CNGB1: variants seen among roughly 807,000 people sequenced by gnomAD.
CNGB1 encodes cyclic nucleotide-gated channel beta-1.
CNGB1 carries 126 observed loss-of-function variants against 151.7 expected under a neutral mutation model. That is an observed-to-expected ratio of 0.83 (90% confidence interval 0.72 to 0.96). CNGB1 has a LOEUF of 0.96. Ranked by LOEUF, CNGB1 falls within the 40% of genes least tolerant of loss-of-function variation. The probability of loss-of-function intolerance (pLI) is 0.00; values close to 1 mark genes in which losing one functional copy is unlikely to be tolerated. For synonymous variants in CNGB1, 623 were observed against 635.1 expected (o/e 0.98, Z 0.29); for missense variants, 1,698 against 1,627.0 (o/e 1.04, Z -0.75).
At position 57,884,219 on chromosome 16, in the gene CNGB1, C is replaced by CCCGGCT. The variant is rs1158843736; in HGVS notation, c.3695_3700dup (p.Glu1232_Pro1233dup). 1.2e-5 allele frequency: 19 copies of CCCGGCT among 1,613,862 alleles called. No individual in the cohort carries two copies. In the Middle Eastern group the frequency reaches 4.9e-4, roughly 42 times the overall value. ...CATCTTCACCGACAGGATCTGCTCT[C>CCCGGCT]CCGGCTCCGGGCCCGGGCTCATGCA... On this transcript the variant is annotated inframe_insertion, in exon 33 of 33. Transcript: ENST00000251102.
intron 25 of CNGB1, among the ~76,000 whole-genome samples, chr16:57,908,506 T>G (rs947955976): frequency 5.9e-5 from 9 of 152,370 alleles, no homozygotes; most frequent in Non-Finnish European, 1.3e-4. Context: ...ATCCTCACTA[T>G]GGCTGACTGA....
At chr16:57,942,112 G>T (rs948820025) in intron 14 of CNGB1, among the ~76,000 whole-genome samples, 1 of 152,144 alleles carries the variant, frequency 6.6e-6, no homozygotes, top group East Asian at 1.9e-4. Context: ...AAACTCCTGG[G>T]CTCAAGTGAT....
In CNGB1 at chr16:57,960,852, G is replaced by C. The variant is rs1439592662; in HGVS notation, c.522C>G (p.Pro174=). 1 of 1,613,698 alleles carries C rather than the reference G, an allele frequency of 6.2e-7. No individual in the cohort carries two copies. Among genetic ancestry groups the C allele is most frequent in the African/African-American group, 1.3e-5 (1 of 74,896 alleles). ...QNLERVLPQP[P]KSSEVWRDEP... ...TTCCTTGGCTCACCTCAGAGGATTT[G>C]GGGGGCTGAGGAAGCACTCTTTCCA... The change falls in exon 8 of 33, where the codon CCC becomes CCG. Residue 174 remains proline, a synonymous_variant. Coordinates refer to ENST00000251102, the MANE Select transcript of CNGB1 (RefSeq NM_001297.5).
At chr16:57,903,415 C>T (rs1239358997) in intron 27 of CNGB1, among the ~76,000 whole-genome samples, 2 of 151,994 alleles carry the variant, frequency 1.3e-5, no homozygotes, top group African/African-American at 2.4e-5. Context: ...TCGCTTGAAC[C>T]CGGGAGATGG....
In CNGB1 at chr16:57,955,031, G is replaced by A. The variant is rs918387244; in HGVS notation, c.874+2310C>T. 103 of 1,226,638 alleles carry A rather than the reference G, an allele frequency of 8.4e-5. 1 individual carries two copies. Among genetic ancestry groups the A allele is most frequent in the Admixed American group, 6.8e-4 (19 of 27,784 alleles). The allele number at this position is 1,226,638 out of a possible 1,614,324, so 76.0% of individuals were successfully genotyped here. ...CCCAAAGTGCTGGGATTACAGGCGT[G>A]AGCCACCACGCCCGGCTATGGGCCT... is the stretch of plus-strand genomic sequence containing the variant. On this transcript the variant is annotated intron_variant, in intron 12 of 32. Coordinates refer to ENST00000251102, the MANE Select transcript of CNGB1 (RefSeq NM_001297.5).
intron 24 of CNGB1, among the ~76,000 whole-genome samples, chr16:57,912,104 G>A (rs1247838879): frequency 6.8e-6 from 1 of 146,480 alleles, no homozygotes; most frequent in Non-Finnish European, 1.5e-5. Context: ...AGGGGCCAGA[G>A]GGGAAATGTG....
chr16:57,965,529 A>G (rs897576940), intron 2 of CNGB1, among the ~76,000 whole-genome samples: 2 of 152,214 alleles, frequency 1.3e-5, no homozygotes, highest in African/African-American at 2.4e-5. Flanking sequence ...ATTTGCACAT[A>G]CACAGAAGCA....
intron 17 of CNGB1, among the ~76,000 whole-genome samples, chr16:57,925,225 T>C (rs1227160947): frequency 6.6e-6 from 1 of 151,816 alleles, no homozygotes; most frequent in Non-Finnish European, 1.5e-5. Flanking sequence ...CTAGTCTCAA[T>C]CTCCCAACCT....
intron 4 of CNGB1, 57 bp from the exon 5 acceptor site, chr16:57,963,121 T>C: frequency 7.7e-7 from 1 of 1,292,328 alleles, no homozygotes; most frequent in Non-Finnish European, 1.1e-6. Context: ...AATGAGGCCC[T>C]CGAGGCCCAA....
chr16:57,892,776 C>T (rs555615749), intron 31 of CNGB1, among the ~76,000 whole-genome samples: 1 of 152,304 alleles, frequency 6.6e-6, no homozygotes, highest in East Asian at 1.9e-4. Context: ...GTTCCCTCTT[C>T]CCAGAATGCT....
intron 31 of CNGB1, among the ~76,000 whole-genome samples, chr16:57,893,328 C>T (rs1163097161): frequency 6.6e-6 from 1 of 152,166 alleles, no homozygotes; most frequent in Non-Finnish European, 1.5e-5. Flanking sequence ...ACGATCATAA[C>T]TCACTGTAAC....
chr16:57,910,894 C>T (rs1960692990), intron 25 of CNGB1, among the ~76,000 whole-genome samples: 1 of 152,130 alleles, frequency 6.6e-6, no homozygotes, highest in Non-Finnish European at 1.5e-5. Context: ...GGCTGTACCA[C>T]GGGCGTGTCC....
intron 12 of CNGB1, among the ~76,000 whole-genome samples, chr16:57,956,125 T>C (rs1962078188): frequency 6.6e-6 from 1 of 152,116 alleles, no homozygotes; most frequent in Non-Finnish European, 1.5e-5. Flanking sequence ...GTTCTGATGC[T>C]CCATCCTCAG....
Position 57,912,918 on chromosome 16 carries a change from G to A in CNGB1, c.2369+12C>T, listed in dbSNP as rs757932867. On this transcript the variant is annotated intron_variant, in intron 24 of 32. Transcript: ENST00000251102. Reference sequence around the variant, plus strand: ...TGTGTGTGCATGCATGCACATGCAGGGGGAGTCTCACCTGTACACGTAGGC... The same window carrying A: ...TGTGTGTGCATGCATGCACATGCAGAGGGAGTCTCACCTGTACACGTAGGC... 1.7e-5 allele frequency: 27 copies of A among 1,613,670 alleles called. No individual in the cohort carries two copies. The highest frequency in any genetic ancestry group is 2.2e-5 in the Non-Finnish European group (26 of 1,179,642).
At position 57,883,555 on chromosome 16, in the gene CNGB1, C is replaced by A. The variant is rs1959815742; in HGVS notation, c.*609G>T. On this transcript the variant is annotated 3_prime_UTR_variant, in exon 33 of 33. Transcript: ENST00000251102. ...TCCAGTAGCTGGGACTACAGGTGCA[C>A]ACCATCACGCCTGGCTATTGTTTTT... The A allele has an allele frequency of 5.9e-6, 1 of 168,632 alleles. No individual in the cohort carries two copies. The highest frequency in any genetic ancestry group is 1.6e-4 in the South Asian group (1 of 6,400). The allele number at this position is 168,632 out of a possible 1,614,324, so 10.4% of individuals were successfully genotyped here. A position where few individuals can be genotyped will look rare whatever the true frequency, so the allele number is the denominator to read the frequency against.
rs1203478716 is a variant in CNGB1 at position 57,884,398 on chromosome 16, CGT to C, written c.3520_3521del (p.Thr1174AlafsTer118). The C allele has an allele frequency of 6.2e-7, 1 of 1,613,054 alleles. No individual in the cohort carries two copies. Among genetic ancestry groups the C allele is most frequent in the Non-Finnish European group, 8.5e-7 (1 of 1,179,836 alleles). ...GGTCGGTGGCGGCCTCCTTTGGGTGCGTGTGCTGGTCTGGGGCGGCGGAGCCT... is the reference window on the plus strand; with the variant it reads ...GGTCGGTGGCGGCCTCCTTTGGGTGCGTGCTGGTCTGGGGCGGCGGAGCCT... ...EEGSAAPDQH[T>X]HPKEAATDPP... On this transcript the variant is annotated frameshift_variant, in exon 33 of 33. Coordinates refer to ENST00000251102, the MANE Select transcript of CNGB1 (RefSeq NM_001297.5). LOFTEE classifies it low-confidence loss of function (END_TRUNC).
chr16:57,930,199 T>C lies in CNGB1; in HGVS notation c.1535+1517A>G, dbSNP rs113742674. On this transcript the variant is annotated intron_variant, in intron 17 of 32. Coordinates refer to ENST00000251102, the MANE Select transcript of CNGB1 (RefSeq NM_001297.5). The stretch of plus-strand genomic sequence containing the variant: ...AACAATATAAATGTCCATCAACAGA[T>C]AAATAAAGAAAATGTGGGCTGTGTT... Among the ~76,000 whole-genome samples the C allele has an allele frequency of 2.8e-4, 43 of 152,028 alleles. 1 individual carries two copies. The highest frequency in any genetic ancestry group is 3.4e-3 in the Middle Eastern group (1 of 294).
chr16:57,886,839 G>A (rs1373044062), intron 32 of CNGB1, among the ~76,000 whole-genome samples: 2 of 152,108 alleles, frequency 1.3e-5, no homozygotes, highest in Non-Finnish European at 2.9e-5. Flanking sequence ...GGGACATTTG[G>A]CATTTTGCCT....
intron 16 of CNGB1, among the ~76,000 whole-genome samples, chr16:57,936,535 G>A (rs1405067985): frequency 6.6e-6 from 1 of 152,210 alleles, no homozygotes; most frequent in Non-Finnish European, 1.5e-5. Flanking sequence ...GCTTATGCCT[G>A]TAATCCCAGC....
Sources: gnomAD v4.1 joint callset for allele counts (sites outside exome capture counted in the v4.1 genomes callset) on GRCh38, gnomAD v4.1.1 for gene constraint, MANE v1.5 for transcripts, NCBI Gene and HGNC (gene_info 2026-07-23, HGNC 2026-07-21) for gene names.